The following BRD4 variants were observed in gnomAD, a reference collection of about 807,000 sequenced individuals.
BRD4 encodes bromodomain containing 4.
In BRD4, 16 loss-of-function variants were observed where a neutral mutation model predicts 142.1. The observed-to-expected ratio is 0.11, with a 90% confidence interval of 0.08 to 0.17. The LOEUF is 0.17. Among genes scored for constraint, BRD4 ranks in the 10% least tolerant of loss-of-function variants. BRD4 has a pLI of 1.00. For missense variants in BRD4, 1,424 were observed against 1,810.9 expected (o/e 0.79, Z 3.88); for synonymous variants, 833 against 707.5 (o/e 1.18, Z -2.82).
intron 1 of BRD4, among the ~76,000 whole-genome samples, chr19:15,297,342 G>C (rs1468502975): frequency 6.6e-6 from 1 of 152,136 alleles, no homozygotes; most frequent in African/African-American, 2.4e-5. Flanking sequence ...CTACTTGAGA[G>C]CCGCTGCTAA....
At chr19:15,240,876 C>A (rs1451387790) in intron 14 of BRD4, among the ~76,000 whole-genome samples, 1 of 152,228 alleles carries the variant, frequency 6.6e-6, no homozygotes, top group African/African-American at 2.4e-5. Context: ...ACAGAGGAGG[C>A]TGCCCCTCTG....
chr19:15,265,481 A>G lies in BRD4; in HGVS notation c.722T>C (p.Val241Ala). Residue 241 changes from valine (V) to alanine (A), a missense_variant, in exon 5 of 20, where the codon GTG becomes GCG. By Grantham distance (64) the Val-to-Ala change is moderately conservative. Around this residue, in one of 16 missense-constraint regions of BRD4, gnomAD observed 140 missense variants for 131.7 expected, o/e 1.06. Coordinates refer to ENST00000679869, the MANE Select transcript of BRD4 (RefSeq NM_001379291.1). ...DLIVQTPVMT[V>A]VPPQPLQTPP... ...CGTCTGCAGTGGCTGGGGAGGCACC[A>G]CTGTCATGACAGGGGTCTGGACGAT... 1 of 1,607,308 alleles carries G rather than the reference A, an allele frequency of 6.2e-7. No individual in the cohort carries two copies. The highest frequency in any genetic ancestry group is 1.1e-5 in the South Asian group (1 of 90,474).
chr19:15,318,097 A>G (rs2048031493), intron 1 of BRD4, among the ~76,000 whole-genome samples: 1 of 152,254 alleles, frequency 6.6e-6, no homozygotes, highest in Admixed American at 6.5e-5. Context: ...TTTCACGCAC[A>G]TGATCTTATT....
At chr19:15,312,165 A>C (rs77881204) in intron 1 of BRD4, among the ~76,000 whole-genome samples, 165 of 152,362 alleles carry the variant, frequency 1.1e-3, no homozygotes, top group African/African-American at 3.6e-3. Context: ...TGCCACACAA[A>C]GCAAGTGTTC....
intron 1 of BRD4, among the ~76,000 whole-genome samples, chr19:15,311,452 A>G (rs1231382162): frequency 6.6e-6 from 1 of 152,142 alleles, no homozygotes; most frequent in Non-Finnish European, 1.5e-5. Context: ...CCTGGAGAAC[A>G]GGTTATTATG....
intron 7 of BRD4, among the ~76,000 whole-genome samples, chr19:15,258,962 C>T (rs1029753778): frequency 2.0e-5 from 3 of 152,206 alleles, no homozygotes; most frequent in East Asian, 1.9e-4. Context: ...CAACAAGGGA[C>T]GACCAGAGGC....
intron 1 of BRD4, among the ~76,000 whole-genome samples, chr19:15,321,133 C>G (rs1428029665): frequency 6.6e-6 from 1 of 152,022 alleles, no homozygotes; most frequent in African/African-American, 2.4e-5. Context: ...ACTCGGGAGG[C>G]TGAGGCAGGA....
rs2047253660 is a variant in BRD4 at position 15,243,150 on chromosome 19, C to T, written c.2919G>A (p.Gln973=). 1.2e-6 allele frequency: 1 copy of T among 817,200 alleles called. No individual in the cohort carries two copies. Among genetic ancestry groups the T allele is most frequent in the African/African-American group, 2.2e-5 (1 of 44,818 alleles). 50.6% of individuals were successfully genotyped at this position (817,200 alleles called of 1,614,324 possible). A position where few individuals can be genotyped will look rare whatever the true frequency, so the allele number is the denominator to read the frequency against. The change falls in exon 14 of 20, where the codon CAG becomes CAA. Residue 973 remains glutamine (Q), a synonymous_variant. Transcript: ENST00000679869. ...HPSVQQQLQQ[Q]PPPPPPPQPQ... is the part of the protein sequence containing the mutation. ...GCTGGGGTGGTGGGGGTGGTGGCGGCTGCTGCTGCAGCTGCTGCTGCACAG... is the reference window on the plus strand; with the variant it reads ...GCTGGGGTGGTGGGGGTGGTGGCGGTTGCTGCTGCAGCTGCTGCTGCACAG...
chr19:15,253,981 G>A (rs2145564892), intron 11 of BRD4, 171 bp downstream of exon 11: 1 of 698,416 alleles, frequency 1.4e-6, no homozygotes, highest in Non-Finnish European at 2.4e-6. Context: ...AGAGTGCAGG[G>A]CTATTCATGG....
At chr19:15,328,017 C>A (rs941043840) in intron 1 of BRD4, among the ~76,000 whole-genome samples, 1 of 149,760 alleles carries the variant, frequency 6.7e-6, no homozygotes, top group Non-Finnish European at 1.5e-5. Context: ...TGTATAACAA[C>A]GTTTATCTCA....
rs2047601890 is a variant in BRD4, at chr19:15,272,738, AG to A, written c.285+76del. ...CAAATGCATCTCCTACCCTCCCCCC[AG>A]GAACTGCCCTGACCAGGAGACATGC... On this transcript the variant is annotated intron_variant, in intron 2 of 19. Transcript: ENST00000679869. 2.8e-6 allele frequency: 4 copies of A among 1,413,740 alleles called. No individual in the cohort carries two copies. In the South Asian group the frequency reaches 5.3e-5, roughly 19 times the overall value. The allele number at this position is 1,413,740 out of a possible 1,614,324, so 87.6% of individuals were successfully genotyped here.
rs2047508689 is a variant in BRD4 at position 15,264,472 on chromosome 19, C to T, written c.1144G>A (p.Val382Met). The T allele has an allele frequency of 6.2e-7, 1 of 1,613,490 alleles. No homozygotes were observed. The highest frequency in any genetic ancestry group is 8.5e-7 in the Non-Finnish European group (1 of 1,179,804). The change falls in exon 6 of 20, where the codon GTG becomes ATG. Residue 382 changes from valine (V) to methionine (M), a missense_variant. By Grantham distance (21) the Val-to-Met change is conservative (BLOSUM62 1). Around this residue, in one of 16 missense-constraint regions of BRD4, gnomAD observed 30 missense variants for 65.2 expected, o/e 0.46. Transcript: ENST00000679869. ...YAWPFYKPVD[V>M]EALGLHDYCD... ...TAGTCGTGTAGGCCCAGTGCCTCCA[C>T]GTCCACAGGCTTGTAGAAGGGCCAG...
rs563585117 is a variant in BRD4 at position 15,326,836 on chromosome 19, T to C, written c.-35+5454A>G. On this transcript the variant is annotated intron_variant, in intron 1 of 19. Transcript: ENST00000679869. Reference sequence around the variant, plus strand: ...ACATTCCATGAATTATGCTAGGACATGTGCACGTGGTTTAATTGAGGTTGG... The same window carrying C: ...ACATTCCATGAATTATGCTAGGACACGTGCACGTGGTTTAATTGAGGTTGG... Among the ~76,000 whole-genome samples, 8 of 152,308 alleles carry C rather than the reference T, an allele frequency of 5.3e-5. No homozygotes were observed. The South Asian group carries it at 1.4e-3, about 28-fold the overall frequency.
intron 6 of BRD4, 98 bp downstream of exon 6, chr19:15,264,306 G>T: frequency 6.8e-7 from 1 of 1,469,472 alleles, no homozygotes; most frequent in Non-Finnish European, 9.1e-7. Context: ...ACCGTTCCAG[G>T]GCCTGGGCTT....
chr19:15,256,002 C>G, intron 9 of BRD4, 62 bp downstream of exon 9: 1 of 1,589,190 alleles, frequency 6.3e-7, no homozygotes, highest in Non-Finnish European at 8.5e-7. Context: ...GTGGCCCACA[C>G]AGTCTCAGAG....
chr19:15,249,107 G>C (rs746108386), intron 11 of BRD4: 26 of 1,065,524 alleles, frequency 2.4e-5, no homozygotes, highest in Non-Finnish European at 3.3e-5. Flanking sequence ...GGGACTAGGC[G>C]TGTGCTGCTG....
Position 15,258,262 on chromosome 19 carries a change from TCCCATATAACTGTGGTGTTGATTCCCTC to T in BRD4, c.1342-1117_1342-1090del, listed in dbSNP as rs558210390. 2.8e-3 allele frequency among the ~76,000 whole-genome samples: 433 copies of T among 152,314 alleles called. 1 individual carries two copies. The highest frequency in any genetic ancestry group is 4.1e-3 in the Non-Finnish European group (282 of 68,022). On this transcript the variant is annotated intron_variant, in intron 7 of 19. Transcript: ENST00000679869. ...CTCTCCCACGCTGCTGGAGCAGGCATCCCATATAACTGTGGTGTTGATTCCCTCCCCTCCAGGACACCCGGAGTATGAC... is the reference window on the plus strand; with the variant it reads ...CTCTCCCACGCTGCTGGAGCAGGCATCCCTCCAGGACACCCGGAGTATGAC...
intron 1 of BRD4, among the ~76,000 whole-genome samples, chr19:15,307,642 G>A (rs536741151): frequency 2.6e-5 from 4 of 152,262 alleles, no homozygotes; most frequent in South Asian, 2.1e-4. Context: ...AAGCCTGGGC[G>A]CGGAAGTGAG....
intron 1 of BRD4, among the ~76,000 whole-genome samples, chr19:15,288,666 G>C (rs1031459568): frequency 6.6e-6 from 1 of 152,228 alleles, no homozygotes; most frequent in Non-Finnish European, 1.5e-5. Flanking sequence ...ACACAGGCTG[G>C]TGCACTGCCC....
Sources: gnomAD v4.1 joint callset for allele counts (sites outside exome capture counted in the v4.1 genomes callset) on GRCh38, gnomAD v4.1.1 for gene constraint, gnomAD v4.1.1 regional missense constraint, MANE v1.5 for transcripts, NCBI Gene and HGNC (gene_info 2026-07-23, HGNC 2026-07-21) for gene names.